SIAH3: variants seen among roughly 807,000 people sequenced by gnomAD.
The protein encoded by SIAH3 is siah E3 ubiquitin protein ligase family member 3.
In SIAH3, 9 loss-of-function variants were observed where a neutral mutation model predicts 12.6. The ratio of observed to expected loss-of-function variants is 0.72; its 90% CI spans 0.43 to 1.25. The LOEUF is 1.25. SIAH3 is among the 50% of genes most tolerant of loss of function. The pLI, the probability that SIAH3 is intolerant of heterozygous loss-of-function variation, is 0.00. For synonymous variants in SIAH3, 154 were observed against 151.1 expected (o/e 1.02, Z -0.14); for missense variants, 390 against 365.4 (o/e 1.07, Z -0.55).
At chr13:45,837,235 G>A (rs1950720825) in intron 1 of SIAH3, among the ~76,000 whole-genome samples, 1 of 152,132 alleles carries the variant, frequency 6.6e-6, no homozygotes, top group African/African-American at 2.4e-5. Flanking sequence ...AAGACTCAGA[G>A]GATTTAAGAG....
At chr13:45,836,455 G>A (rs1004717345) in intron 1 of SIAH3, among the ~76,000 whole-genome samples, 4 of 152,232 alleles carry the variant, frequency 2.6e-5, no homozygotes, top group African/African-American at 7.2e-5. Context: ...GAACAAGATC[G>A]TGTCCTTTGC....
chr13:45,850,558 A>C lies in SIAH3; in HGVS notation c.135+937T>G, dbSNP rs370122797. Among the ~76,000 whole-genome samples, 149 of 152,154 alleles carry C rather than the reference A, an allele frequency of 9.8e-4. 2 individuals carry two copies. The highest frequency in any genetic ancestry group is 3.4e-3 in the Middle Eastern group (1 of 294). On this transcript the variant is annotated intron_variant, in intron 1 of 1. Transcript: ENST00000400405. Reference sequence around the variant, plus strand: ...AAGGTGCTGAGTTTCCCATCCGGGGAGTTCAGCTGCACCCTCTCCCCAGCC... The same window carrying C: ...AAGGTGCTGAGTTTCCCATCCGGGGCGTTCAGCTGCACCCTCTCCCCAGCC...
chr13:45,800,810 G>A (rs1012067338), intron 1 of SIAH3, among the ~76,000 whole-genome samples: 4 of 152,162 alleles, frequency 2.6e-5, no homozygotes, highest in Non-Finnish European at 5.9e-5. Flanking sequence ...GGGTCACCTC[G>A]TTTGTTGTTT....
At chr13:45,803,581 G>A (rs1468901978) in intron 1 of SIAH3, among the ~76,000 whole-genome samples, 1 of 152,134 alleles carries the variant, frequency 6.6e-6, no homozygotes, top group Admixed American at 6.5e-5. Context: ...CATTTATAGG[G>A]AGAAGAAAAG....
At chr13:45,785,110 C>T (rs1003914176) in intron 1 of SIAH3, among the ~76,000 whole-genome samples, 2 of 152,190 alleles carry the variant, frequency 1.3e-5, no homozygotes, top group South Asian at 2.1e-4. Flanking sequence ...TTCATCTTCA[C>T]GCCCCCTGAC....
chr13:45,846,375 C>T (rs1011730571), intron 1 of SIAH3, among the ~76,000 whole-genome samples: 2 of 152,032 alleles, frequency 1.3e-5, no homozygotes, highest in South Asian at 4.2e-4. Flanking sequence ...CAGGCGTGAG[C>T]CACCGCACCT....
chr13:45,840,406 A>G (rs1950736011), intron 1 of SIAH3, among the ~76,000 whole-genome samples: 1 of 152,240 alleles, frequency 6.6e-6, no homozygotes, highest in South Asian at 2.1e-4. Flanking sequence ...TTAAAAGGCA[A>G]TTCAGGTAAA....
chr13:45,778,515 T>C lies in SIAH3; in HGVS notation c.*4868A>G, dbSNP rs546278620. The C allele has an allele frequency of 5.9e-5, 9 of 152,356 alleles. No homozygotes were observed. Among genetic ancestry groups the C allele is most frequent in the African/African-American group, 2.2e-4 (9 of 41,576 alleles). 9.4% of individuals were successfully genotyped at this position (152,356 alleles called of 1,614,324 possible). ...GCTGCTTAAGCCTCAGAGTCTCTTCTCCAGAAGAGTTCGTGTTTCCCCAAC... is the reference window on the plus strand; with the variant it reads ...GCTGCTTAAGCCTCAGAGTCTCTTCCCCAGAAGAGTTCGTGTTTCCCCAAC... On this transcript the variant is annotated 3_prime_UTR_variant, in exon 2 of 2. Transcript: ENST00000400405.
At chr13:45,812,295 G>A (rs138730411) in intron 1 of SIAH3, among the ~76,000 whole-genome samples, 27 of 152,346 alleles carry the variant, frequency 1.8e-4, no homozygotes, top group Non-Finnish European at 3.7e-4. Context: ...AAAGGGGACA[G>A]ACAAGCCCTG....
In SIAH3 at chr13:45,783,277, A is replaced by C. The variant is rs896746687; in HGVS notation, c.*106T>G. 1 of 796,942 alleles carries C rather than the reference A, an allele frequency of 1.3e-6. No homozygotes were observed. Among genetic ancestry groups the C allele is most frequent in the African/African-American group, 1.8e-5 (1 of 55,674 alleles). 49.4% of individuals were successfully genotyped at this position (796,942 alleles called of 1,614,324 possible). On this transcript the variant is annotated 3_prime_UTR_variant, in exon 2 of 2. Transcript: ENST00000400405. ...ATAATAATAATTAAAAATTAAAAAA[A>C]AAAAAAAGAAAGGAGAAGAATAAAA...
chr13:45,837,372 T>C (rs7992455), intron 1 of SIAH3, among the ~76,000 whole-genome samples: 4,845 of 152,240 alleles, frequency 0.032, 265 homozygotes, highest in African/African-American at 0.11. Flanking sequence ...AGAGGTTCTT[T>C]TCTAACTTAC....
At chr13:45,839,633 C>T (rs1950732500) in intron 1 of SIAH3, among the ~76,000 whole-genome samples, 1 of 151,486 alleles carries the variant, frequency 6.6e-6, no homozygotes, top group Non-Finnish European at 1.5e-5. Context: ...GAGATCAAGA[C>T]CATCCTGGCT....
chr13:45,820,106 G>C (rs1334496790), intron 1 of SIAH3, among the ~76,000 whole-genome samples: 1 of 152,194 alleles, frequency 6.6e-6, no homozygotes, highest in East Asian at 1.9e-4. Context: ...GGAGGAATCC[G>C]CACGACTTAT....
At chr13:45,815,856 C>T (rs919981881) in intron 1 of SIAH3, among the ~76,000 whole-genome samples, 5 of 152,280 alleles carry the variant, frequency 3.3e-5, no homozygotes, top group Admixed American at 1.3e-4. Context: ...GCCACACAGC[C>T]GACAGAGGCC....
chr13:45,799,983 T>C (rs1950575928), intron 1 of SIAH3, among the ~76,000 whole-genome samples: 1 of 152,266 alleles, frequency 6.6e-6, no homozygotes, highest in South Asian at 2.1e-4. Flanking sequence ...GTTCTCTTTT[T>C]CTCTTTCTAG....
intron 1 of SIAH3, among the ~76,000 whole-genome samples, chr13:45,846,084 C>CTTTT (rs386379026): frequency 0.093 from 7,965 of 85,604 alleles, 1,247 homozygotes; most frequent in East Asian, 0.26. Context: ...GACCTAACTT[C>CTTTT]TTTTTTTTTT....
chr13:45,849,408 T>C (rs959166707), intron 1 of SIAH3, among the ~76,000 whole-genome samples: 3 of 152,256 alleles, frequency 2.0e-5, no homozygotes, highest in African/African-American at 7.2e-5. Flanking sequence ...GTGACAACTT[T>C]TGAATTTGCT....
chr13:45,788,561 T>C (rs1170557886), intron 1 of SIAH3, among the ~76,000 whole-genome samples: 1 of 152,232 alleles, frequency 6.6e-6, no homozygotes, highest in Non-Finnish European at 1.5e-5. Flanking sequence ...TAAGCATTAG[T>C]GAGGCCATTT....
intron 1 of SIAH3, among the ~76,000 whole-genome samples, chr13:45,835,825 TA>T (rs1229189708): frequency 1.3e-5 from 2 of 152,242 alleles, no homozygotes; most frequent in African/African-American, 2.4e-5. Flanking sequence ...TGGACTTGTA[TA>T]TGACAGCTCT....
Sources: gnomAD v4.1 joint callset for allele counts (sites outside exome capture counted in the v4.1 genomes callset) on GRCh38, gnomAD v4.1.1 for gene constraint, MANE v1.5 for transcripts, NCBI Gene and HGNC (gene_info 2026-07-23, HGNC 2026-07-21) for gene names.